The following LINGO2 variants were observed in gnomAD, a reference collection of about 807,000 sequenced individuals.
LINGO2 encodes leucine rich repeat and Ig domain containing 2.
LINGO2 carries 14 observed loss-of-function variants against 30.6 expected under a neutral mutation model. That is an observed-to-expected ratio of 0.46 (90% CI 0.30 to 0.72). LINGO2 has a LOEUF of 0.72. Among genes scored for constraint, LINGO2 ranks in the 30% least tolerant of loss-of-function variants. The pLI, the probability that LINGO2 is intolerant of heterozygous loss-of-function variation, is 0.07. For synonymous variants in LINGO2, 317 were observed against 288.5 expected (o/e 1.10, Z -1.00); for missense variants, 729 against 751.7 (o/e 0.97, Z 0.35).
the LINGO2 span, among the ~76,000 whole-genome samples, chr9:29,154,449 CAAAAAAAA>C: frequency 1.0e-5 from 1 of 95,530 alleles, no homozygotes; most frequent in African/African-American, 4.4e-5. Flanking sequence ...GACTCCGTCT[CAAAAAAAA>C]AAAAAAAAAA....
At chr9:28,547,527 A>G (rs1484320571) in intron 1 of LINGO2, among the ~76,000 whole-genome samples, 1 of 152,138 alleles carries the variant, frequency 6.6e-6, no homozygotes, top group African/African-American at 2.4e-5. Context: ...AAACAACTTT[A>G]GTTCTTTAAG....
chr9:29,045,238 T>C, the LINGO2 span, among the ~76,000 whole-genome samples: 2 of 152,070 alleles, frequency 1.3e-5, no homozygotes, highest in African/African-American at 4.8e-5. Context: ...AAGTTATAAA[T>C]TGTTTATCTC....
chr9:28,088,484 T>C (rs904206411), intron 4 of LINGO2, among the ~76,000 whole-genome samples: 1 of 152,062 alleles, frequency 6.6e-6, no homozygotes, highest in African/African-American at 2.4e-5. Context: ...ATTCTGGTTT[T>C]CTTCCCTCAT....
At chr9:28,133,393 G>T (rs1827429804) in intron 4 of LINGO2, among the ~76,000 whole-genome samples, 1 of 151,978 alleles carries the variant, frequency 6.6e-6, no homozygotes, top group Admixed American at 6.6e-5. Flanking sequence ...ATATATATTT[G>T]GGATCCTATT....
the LINGO2 span, among the ~76,000 whole-genome samples, chr9:28,812,030 C>G: frequency 6.6e-6 from 1 of 151,744 alleles, no homozygotes; most frequent in Admixed American, 6.6e-5. Context: ...TTTCTGAAGT[C>G]ACTGCAGCAG....
At chr9:28,780,048 A>T in the LINGO2 span, among the ~76,000 whole-genome samples, 1 of 152,148 alleles carries the variant, frequency 6.6e-6, no homozygotes, top group African/African-American at 2.4e-5. Flanking sequence ...GTTTTGTTTC[A>T]TAAGTGTATT....
the LINGO2 span, among the ~76,000 whole-genome samples, chr9:28,830,774 G>A: frequency 5.3e-5 from 8 of 149,580 alleles, no homozygotes; most frequent in East Asian, 9.9e-4. Flanking sequence ...ACACACACAC[G>A]TGTACATGCT....
At chr9:28,286,980 G>A (rs768238512) in intron 4 of LINGO2, among the ~76,000 whole-genome samples, 1 of 152,086 alleles carries the variant, frequency 6.6e-6, no homozygotes, top group Non-Finnish European at 1.5e-5. Context: ...ATATATAGAA[G>A]TGTGATGTTA....
At chr9:29,069,274 A>G in the LINGO2 span, among the ~76,000 whole-genome samples, 1 of 152,022 alleles carries the variant, frequency 6.6e-6, no homozygotes, top group South Asian at 2.1e-4. Flanking sequence ...TACTGTCATC[A>G]TAAGAACCCT....
At chr9:28,785,663 T>C in the LINGO2 span, among the ~76,000 whole-genome samples, 1,272 of 99,772 alleles carry the variant, frequency 0.013, 21 homozygotes, top group African/African-American at 0.045. Flanking sequence ...CCCTTCTCTC[T>C]CTCTCCACAA....
At chr9:27,949,905 A>G in exon 6 of LINGO2, 3 of 1,614,056 alleles carry the variant, frequency 1.9e-6, no homozygotes, top group South Asian at 1.1e-5. Context: ...GGTGTTGGTG[A>G]CTGAAAGGGA....
chr9:28,574,068 A>G (rs1823834815), intron 1 of LINGO2, among the ~76,000 whole-genome samples: 1 of 152,190 alleles, frequency 6.6e-6, no homozygotes. Context: ...TGAAATACTG[A>G]TCTTTATATA....
the LINGO2 span, among the ~76,000 whole-genome samples, chr9:28,898,300 A>T: frequency 6.6e-6 from 1 of 152,222 alleles, no homozygotes; most frequent in South Asian, 2.1e-4. Flanking sequence ...ATCCAAAATA[A>T]TTGGGAATAT....
Position 27,977,790 on chromosome 9 carries a change from G to GA in LINGO2, c.-35-27085dup, listed in dbSNP as rs1000528765. On this transcript the variant is annotated intron_variant, in intron 5 of 5. Transcript: ENST00000379992. ...TTGGCAAAATGCTTCCCAGGGGAAAGAAAAAAAAAAAGGAAGAGAAAACAA... is the reference window on the plus strand; with the variant it reads ...TTGGCAAAATGCTTCCCAGGGGAAAGAAAAAAAAAAAAGGAAGAGAAAACAA... 5.0e-3 allele frequency among the ~76,000 whole-genome samples: 707 copies of GA among 141,856 alleles called. 4 individuals are homozygous for GA. Among genetic ancestry groups the GA allele is most frequent in the African/African-American group, 0.016 (636 of 39,174 alleles). The allele number at this position is 141,856 out of a possible 152,430, so 93.1% of individuals were successfully genotyped here. A position where few individuals can be genotyped will look rare whatever the true frequency, so the allele number is the denominator to read the frequency against.
At chr9:29,098,833 C>T in the LINGO2 span, among the ~76,000 whole-genome samples, 4 of 151,740 alleles carry the variant, frequency 2.6e-5, no homozygotes, top group African/African-American at 7.3e-5. Flanking sequence ...TGTAGTAGGA[C>T]AAAAGCTAAA....
chr9:29,115,891 A>T, the LINGO2 span, among the ~76,000 whole-genome samples: 1 of 152,056 alleles, frequency 6.6e-6, no homozygotes, highest in Non-Finnish European at 1.5e-5. Flanking sequence ...AAAGAATATA[A>T]TACTCTCTGC....
intron 3 of LINGO2, among the ~76,000 whole-genome samples, chr9:28,367,814 C>A (rs1331891): frequency 0.32 from 48,349 of 151,774 alleles, 7,945 homozygotes; most frequent in South Asian, 0.47. Context: ...TAATCACTCA[C>A]CTCCAACCTT....
intron 1 of LINGO2, among the ~76,000 whole-genome samples, chr9:28,668,613 T>G (rs571623050): frequency 8.7e-4 from 132 of 152,114 alleles, no homozygotes; most frequent in African/African-American, 3.1e-3. Context: ...TCCATTGGGT[T>G]CACAATCAGA....
chr9:28,148,521 G>A lies in LINGO2; in HGVS notation c.-86-136116C>T. 1 of 1,476,520 alleles carries A rather than the reference G, an allele frequency of 6.8e-7. No individual in the cohort carries two copies. The highest frequency in any genetic ancestry group is 9.1e-7 in the Non-Finnish European group (1 of 1,094,102). 91.5% of individuals were successfully genotyped at this position (1,476,520 alleles called of 1,614,324 possible). On this transcript the variant is annotated intron_variant, in intron 4 of 5. Coordinates refer to ENST00000379992, the Ensembl canonical transcript of LINGO2. This position sits in a 1 kb window ranked among gnomAD's most constrained non-coding sequence, Gnocchi z 5.1. ...CAGGAGGACAATAAAAGGGGCCCCT[G>A]TAGCAATGGGGAAGCAGCTTCCACC...
Sources: gnomAD v4.1 joint callset for allele counts (sites outside exome capture counted in the v4.1 genomes callset) on GRCh38, gnomAD v4.1.1 for gene constraint, Gnocchi (gnomAD v3.1) non-coding constraint, MANE v1.5 for transcripts, NCBI Gene and HGNC (gene_info 2026-07-23, HGNC 2026-07-21) for gene names.